The following SBF2 variants were observed in gnomAD, a reference collection of about 807,000 sequenced individuals.
SBF2 encodes SET binding factor 2.
A neutral mutation model predicts 225.2 loss-of-function variants in SBF2; 112 were observed. That is an observed-to-expected ratio of 0.50 (90% CI 0.43 to 0.58). SBF2 has a LOEUF of 0.58. SBF2 is among the 20% of genes least tolerant of loss of function. The pLI, the probability that SBF2 is intolerant of heterozygous loss-of-function variation, is 0.00. For missense variants in SBF2, 1,996 were observed against 2,206.2 expected (o/e 0.90, Z 1.91); for synonymous variants, 763 against 773.3 (o/e 0.99, Z 0.22).
chr11:9,837,502 T>C (rs1230643890), intron 26 of SBF2, among the ~76,000 whole-genome samples: 1 of 152,244 alleles, frequency 6.6e-6, no homozygotes, highest in Non-Finnish European at 1.5e-5. Context: ...TTTTCAGATG[T>C]GAAACCAGTA....
intron 2 of SBF2, among the ~76,000 whole-genome samples, chr11:10,173,151 G>A (rs1956281816): frequency 6.6e-6 from 1 of 152,226 alleles, no homozygotes; most frequent in Non-Finnish European, 1.5e-5. Context: ...TTAGTCAGGA[G>A]AGGAGCCAAG....
chr11:10,068,918 G>A (rs1384616037), intron 2 of SBF2, among the ~76,000 whole-genome samples: 2 of 152,092 alleles, frequency 1.3e-5, no homozygotes, highest in African/African-American at 2.4e-5. Flanking sequence ...GAAATTTGTA[G>A]AGAAATCATT....
At chr11:9,812,412 A>G (rs1263707546) in intron 30 of SBF2, 120 bp downstream of exon 30, 17 of 1,036,878 alleles carry the variant, frequency 1.6e-5, no homozygotes, top group Non-Finnish European at 2.2e-5. Flanking sequence ...CACACAATGA[A>G]GGAGGAGAAT....
At chr11:10,172,360 T>A (rs912655421) in intron 2 of SBF2, among the ~76,000 whole-genome samples, 61 of 148,466 alleles carry the variant, frequency 4.1e-4, no homozygotes, top group Non-Finnish European at 5.3e-4. Context: ...CAAAAAAAAA[T>A]TTTTTTTTTT....
At position 10,201,915 on chromosome 11, in the gene SBF2, G is replaced by A. The variant is rs544724668; in HGVS notation, c.56-7928C>T. 2.0e-5 allele frequency among the ~76,000 whole-genome samples: 3 copies of A among 152,222 alleles called. No homozygotes were observed. The East Asian group carries it at 5.8e-4, about 29-fold the overall frequency. ...TTTTAAGTTGAAGAGAATACATAACGAACAAGGTATGTCATTAAAAATAAT... is the reference window on the plus strand; with the variant it reads ...TTTTAAGTTGAAGAGAATACATAACAAACAAGGTATGTCATTAAAAATAAT... On this transcript the variant is annotated intron_variant, in intron 1 of 39. Transcript: ENST00000256190.
intron 16 of SBF2, chr11:9,961,061 T>G (rs1866536554): frequency 6.6e-6 from 1 of 152,200 alleles, no homozygotes; most frequent in Non-Finnish European, 1.5e-5. Flanking sequence ...TTTAAGGCTT[T>G]TATTCTTCTG....
chr11:10,006,964 G>C (rs1440297080), intron 6 of SBF2, among the ~76,000 whole-genome samples: 1 of 152,204 alleles, frequency 6.6e-6, no homozygotes, highest in African/African-American at 2.4e-5. Context: ...CAAGAATATA[G>C]GATGGCCCAA....
chr11:9,839,976 C>T (rs761915278), intron 25 of SBF2, among the ~76,000 whole-genome samples: 2 of 152,228 alleles, frequency 1.3e-5, no homozygotes, highest in Admixed American at 1.3e-4. Flanking sequence ...GTGGCTCACG[C>T]CTGTAATCCC....
chr11:10,148,597 C>G (rs1007478006), intron 2 of SBF2, among the ~76,000 whole-genome samples: 2 of 152,038 alleles, frequency 1.3e-5, no homozygotes, highest in African/African-American at 2.4e-5. Context: ...TCTAGGATCT[C>G]CAGTTCATAC....
At chr11:10,172,860 GT>G (rs2135253220) in intron 2 of SBF2, among the ~76,000 whole-genome samples, 1 of 152,200 alleles carries the variant, frequency 6.6e-6, no homozygotes, top group African/African-American at 2.4e-5. Flanking sequence ...TAGAGACAGG[GT>G]TTTGCCATGC....
chr11:9,994,369 G>C (rs1377273308), intron 9 of SBF2, among the ~76,000 whole-genome samples: 2 of 151,498 alleles, frequency 1.3e-5, no homozygotes, highest in East Asian at 3.9e-4. Context: ...CAGCTACTTG[G>C]GAGGCTGAGG....
chr11:9,932,312 C>T (rs528189651), intron 16 of SBF2, among the ~76,000 whole-genome samples: 1 of 151,980 alleles, frequency 6.6e-6, no homozygotes, highest in African/African-American at 2.4e-5. Flanking sequence ...GAAGAGCAAC[C>T]CCAAGACACA....
At chr11:10,077,593 G>A (rs1590904689) in intron 2 of SBF2, among the ~76,000 whole-genome samples, 1 of 152,206 alleles carries the variant, frequency 6.6e-6, no homozygotes, top group South Asian at 2.1e-4. Flanking sequence ...TATGCAGAAA[G>A]CTGAAACTGG....
At chr11:10,299,418 C>T (rs1222980154) in intron 1 of SBF2, among the ~76,000 whole-genome samples, 1 of 150,606 alleles carries the variant, frequency 6.6e-6, no homozygotes, top group Non-Finnish European at 1.5e-5. Context: ...TCTTAACATT[C>T]ATTTGAAGTA....
At chr11:10,192,874 C>A (rs1957228580) in intron 2 of SBF2, among the ~76,000 whole-genome samples, 1 of 152,184 alleles carries the variant, frequency 6.6e-6, no homozygotes, top group Non-Finnish European at 1.5e-5. Context: ...TAAGTACACA[C>A]ACACACCCCC....
At chr11:10,128,031 C>A (rs767519338) in intron 2 of SBF2, among the ~76,000 whole-genome samples, 6 of 152,054 alleles carry the variant, frequency 3.9e-5, no homozygotes, top group Non-Finnish European at 7.4e-5. Flanking sequence ...CATAAGCACT[C>A]AATAAAGGTT....
At chr11:9,969,469 CT>C (rs1422574397) in intron 13 of SBF2, among the ~76,000 whole-genome samples, 1 of 152,158 alleles carries the variant, frequency 6.6e-6, no homozygotes, top group Non-Finnish European at 1.5e-5. Flanking sequence ...TTACAACACC[CT>C]ACAAGATCTG....
In SBF2 at chr11:10,303,443, A is replaced by G. The variant is rs537059009; in HGVS notation, n.386+1049T>C. On this transcript the variant is annotated intron_variant and non_coding_transcript_variant, in intron 1 of 5. Transcript: ENST00000685217. This position sits in a 1 kb window ranked among gnomAD's most constrained non-coding sequence, Gnocchi z 5.2. ...GCAATGTCCACTGTTGAGTCCCGAG[A>G]GTGAAAAGGCAGCTAAGCCAGCAGT... 2.0e-5 allele frequency: 3 copies of G among 152,370 alleles called. No homozygotes were observed. The highest frequency in any genetic ancestry group is 4.4e-5 in the Non-Finnish European group (3 of 68,084). The allele number at this position is 152,370 out of a possible 1,614,324, so 9.4% of individuals were successfully genotyped here. A position where few individuals can be genotyped will look rare whatever the true frequency, so the allele number is the denominator to read the frequency against.
chr11:10,123,624 G>T (rs1424809326), intron 2 of SBF2, among the ~76,000 whole-genome samples: 1 of 151,536 alleles, frequency 6.6e-6, no homozygotes, highest in Non-Finnish European at 1.5e-5. Flanking sequence ...ACTAGTTCCT[G>T]TTGTATTCAG....
Sources: allele counts gnomAD v4.1 joint callset (sites outside exome capture counted in the v4.1 genomes callset), GRCh38; gene constraint gnomAD v4.1.1; non-coding constraint Gnocchi (gnomAD v3.1); transcripts MANE v1.5; gene names NCBI Gene and HGNC (gene_info 2026-07-23, HGNC 2026-07-21).